Variants in ABR observed in about 807,000 individuals in gnomAD.
ABR encodes the protein active breakpoint cluster region-related protein.
Under a neutral mutation model 107.2 loss-of-function variants are expected in ABR, and 35 were observed. The observed-to-expected ratio is 0.33, with a 90% CI of 0.25 to 0.43. The LOEUF (loss-of-function observed/expected upper bound fraction) is 0.43. ABR is among the 20% of genes least tolerant of loss of function. ABR has a pLI of 1.00. For missense variants in ABR, 815 were observed against 1,115.2 expected, an observed-to-expected ratio of 0.73 and a Z score of 3.83; for synonymous variants, 498 against 462.0, an observed-to-expected ratio of 1.08 and a Z score of -1.00.
At chr17:1,121,800 C>T (rs1462672229) in intron 2 of ABR, among the ~76,000 whole-genome samples, 1 of 152,118 alleles carries the variant, frequency 6.6e-6, no homozygotes, top group African/African-American at 2.4e-5. Context: ...AGTGGGGCCT[C>T]CTCCCCACTA....
chr17:1,053,966 A>C (rs1425387301), intron 14 of ABR, among the ~76,000 whole-genome samples: 1 of 152,126 alleles, frequency 6.6e-6, no homozygotes, highest in Non-Finnish European at 1.5e-5. Flanking sequence ...TTCCACGGTA[A>C]CAAGCAGCCT....
At position 1,156,779 on chromosome 17, in the gene ABR, T is replaced by C. The variant is rs145300591; in HGVS notation, c.61+22888A>G. 1.8e-4 allele frequency among the ~76,000 whole-genome samples: 28 copies of C among 152,292 alleles called. No homozygotes were observed. The East Asian group carries it at 5.4e-3, about 29-fold the overall frequency. On this transcript the variant is annotated intron_variant, in intron 1 of 22. Coordinates refer to ENST00000302538, the MANE Select transcript of ABR (RefSeq NM_021962.5). ...GAGTTCCACTACTATCCCCATTTCA[T>C]AGAGGAGTAAACTGAGGCACAGGGA... is the stretch of plus-strand genomic sequence containing the variant.
intron 16 of ABR, among the ~76,000 whole-genome samples, chr17:1,043,596 T>C (rs2031037668): frequency 6.6e-6 from 1 of 152,236 alleles, no homozygotes; most frequent in African/African-American, 2.4e-5. Context: ...GCGCAATCCT[T>C]AGCTCACTCT....
At chr17:1,083,661 A>G in intron 4 of ABR, 34 bp from the exon 5 acceptor site, 1 of 952,098 alleles carries the variant, frequency 1.1e-6, no homozygotes, top group African/African-American at 1.7e-5. Context: ...GAGGGAGAGG[A>G]GGGTGGGAGG....
intron 16 of ABR, among the ~76,000 whole-genome samples, chr17:1,036,730 C>T (rs1275220017): frequency 6.6e-6 from 1 of 152,084 alleles, no homozygotes; most frequent in African/African-American, 2.4e-5. Flanking sequence ...TCCCCCAACT[C>T]GGTGGCTCTG....
At chr17:1,147,900 C>T (rs964329039) in intron 1 of ABR, among the ~76,000 whole-genome samples, 8 of 152,146 alleles carry the variant, frequency 5.3e-5, no homozygotes, top group Admixed American at 3.3e-4. Flanking sequence ...TGGGGAAAGA[C>T]GGGAAAGCAA....
chr17:1,181,037 T>C (rs3813441), upstream of ABR, among the ~76,000 whole-genome samples: 126,900 of 151,974 alleles, frequency 0.84, 53,395 homozygotes, highest in Middle Eastern at 0.89. Context: ...CGGAGCTGTC[T>C]CCACCCCACC....
At chr17:1,208,454 A>G (rs1334353768) in intron 1 of ABR, among the ~76,000 whole-genome samples, 3 of 152,204 alleles carry the variant, frequency 2.0e-5, no homozygotes, top group Non-Finnish European at 4.4e-5. Context: ...GTCCCCTGTC[A>G]GCCTGTGAAG....
chr17:1,226,135 T>C (rs897521066), intron 1 of ABR, among the ~76,000 whole-genome samples: 2 of 152,062 alleles, frequency 1.3e-5, no homozygotes, highest in African/African-American at 4.8e-5. Context: ...ACATGCAAAA[T>C]TGCAGCATCC....
chr17:1,088,283 C>A (rs1419701538), intron 4 of ABR, among the ~76,000 whole-genome samples: 1 of 151,948 alleles, frequency 6.6e-6, no homozygotes, highest in African/African-American at 2.4e-5. Flanking sequence ...TCTCCTCTAC[C>A]CTCCTGAGGG....
At chr17:1,031,732 CGTCGGTCATGCCG>C in intron 16 of ABR, 2 of 1,240,720 alleles carry the variant, frequency 1.6e-6, no homozygotes, top group Non-Finnish European at 2.0e-6. Context: ...TGGGGCAGGA[CGTCGGTCATGCCG>C]GGGGGGACGG....
intron 16 of ABR, among the ~76,000 whole-genome samples, chr17:1,022,300 C>T (rs1347924778): frequency 1.3e-5 from 2 of 152,106 alleles, no homozygotes; most frequent in Non-Finnish European, 2.9e-5. Context: ...CCCAGGCCAG[C>T]GGCCACGGTG....
intron 1 of ABR, among the ~76,000 whole-genome samples, chr17:1,146,920 C>A (rs1466063996): frequency 6.6e-6 from 1 of 152,202 alleles, no homozygotes; most frequent in Non-Finnish European, 1.5e-5. Flanking sequence ...ACCATGACAC[C>A]ACTGCCCTGG....
At chr17:1,043,782 G>A (rs2031073676) in intron 16 of ABR, among the ~76,000 whole-genome samples, 1 of 152,246 alleles carries the variant, frequency 6.6e-6, no homozygotes, top group African/African-American at 2.4e-5. Flanking sequence ...TGTGCCCAGG[G>A]AGGGGCTGCC....
At chr17:1,176,047 T>C (rs1046703007) in intron 1 of ABR, among the ~76,000 whole-genome samples, 1 of 151,084 alleles carries the variant, frequency 6.6e-6, no homozygotes, top group African/African-American at 2.4e-5. Flanking sequence ...GCTGAGATAG[T>C]GCCACTGCAC....
chr17:1,095,843 C>T (rs940097246), intron 3 of ABR, among the ~76,000 whole-genome samples: 1 of 152,212 alleles, frequency 6.6e-6, no homozygotes, highest in African/African-American at 2.4e-5. Flanking sequence ...GAAGGCCTGG[C>T]ATGCTTGCTG....
intron 1 of ABR, among the ~76,000 whole-genome samples, chr17:1,162,866 G>C (rs368902498): frequency 1.6e-4 from 24 of 152,200 alleles, no homozygotes; most frequent in African/African-American, 5.8e-4. Flanking sequence ...GAGGTCAGGA[G>C]TTTGAGGCCA....
At chr17:1,173,440 T>C (rs1165730236) in intron 1 of ABR, among the ~76,000 whole-genome samples, 1 of 144,276 alleles carries the variant, frequency 6.9e-6, no homozygotes, top group African/African-American at 2.6e-5. Flanking sequence ...CAGGGTTGTC[T>C]TGAAGCCGCC....
chr17:1,195,099 A>T (rs931556669), intron 1 of ABR, among the ~76,000 whole-genome samples: 2 of 142,548 alleles, frequency 1.4e-5, no homozygotes, highest in African/African-American at 2.5e-5. Flanking sequence ...CGAGGTCAGG[A>T]GATCGAGACC....
Sources: allele counts gnomAD v4.1 joint callset (sites outside exome capture counted in the v4.1 genomes callset), GRCh38; gene constraint gnomAD v4.1.1; transcripts MANE v1.5; gene names NCBI Gene and HGNC (gene_info 2026-07-23, HGNC 2026-07-21).